The following TTC33 variants were observed in gnomAD, a reference collection of about 807,000 sequenced individuals.
TTC33 encodes tetratricopeptide repeat protein 33.
In TTC33, 24 loss-of-function variants were observed where a neutral mutation model predicts 29.4. The observed-to-expected ratio is 0.82, with a 90% CI of 0.59 to 1.15. The LOEUF (loss-of-function observed/expected upper bound fraction) is 1.15, where lower values mean the gene tolerates loss of function less well. Among genes scored for constraint, TTC33 ranks in the 50% most tolerant of loss-of-function variants. The pLI is 0.00. For synonymous variants in TTC33, 107 were observed against 100.3 expected, an observed-to-expected ratio of 1.07 and a Z score of -0.40; for missense variants, 286 against 310.4, an observed-to-expected ratio of 0.92 and a Z score of 0.59.
chr5:40,752,902 A>G (rs976848674), intron 1 of TTC33, among the ~76,000 whole-genome samples: 1 of 152,172 alleles, frequency 6.6e-6, no homozygotes, highest in African/African-American at 2.4e-5. Context: ...CAATAAAATG[A>G]TCCCTGTAAT....
In TTC33 at chr5:40,716,264, T is replaced by A. The variant is rs116511928; in HGVS notation, c.670A>T (p.Thr224Ser). The change falls in exon 5 of 5, where the codon ACA becomes TCA. Residue 224 changes from threonine (T) to serine (S), a missense_variant. Thr to Ser is a moderately conservative substitution (Grantham distance 58). Transcript: ENST00000337702. ...VCAAIAEKEKTVSANKTMVIV... is the reference protein window; with the variant it reads ...VCAAIAEKEKSVSANKTMVIV... ...ACCATTGTTTTATTTGCTGAAACTG[T>A]CTTCTCTTTCTCAGCAATAGCTGCA... 630 of 1,614,192 alleles carry A rather than the reference T, an allele frequency of 3.9e-4. 1 individual carries two copies. The African/African-American group carries it at 7.7e-3, about 20-fold the overall frequency.
intron 3 of TTC33, 27 bp downstream of exon 3, chr5:40,730,235 G>GAA (rs1742391256): frequency 1.4e-5 from 21 of 1,548,982 alleles, no homozygotes; most frequent in Non-Finnish European, 1.7e-5. Flanking sequence ...ATTTCATAAG[G>GAA]AAAGTGAAAT....
At chr5:40,751,558 A>C (rs888446194) in intron 1 of TTC33, among the ~76,000 whole-genome samples, 10 of 152,226 alleles carry the variant, frequency 6.6e-5, no homozygotes, top group Non-Finnish European at 7.3e-5. Context: ...GCCCTCACAA[A>C]GGAGTGAGCC....
chr5:40,753,157 G>A (rs551751295), intron 1 of TTC33, among the ~76,000 whole-genome samples: 2 of 152,210 alleles, frequency 1.3e-5, no homozygotes, highest in Non-Finnish European at 2.9e-5. Context: ...CTGAGGTCAG[G>A]AGTTCAAGAC....
At chr5:40,729,173 T>A (rs1027031263) in intron 3 of TTC33, among the ~76,000 whole-genome samples, 6 of 152,342 alleles carry the variant, frequency 3.9e-5, no homozygotes, top group African/African-American at 1.4e-4. Flanking sequence ...CATTCATATA[T>A]ACATATTTAA....
chr5:40,730,121 A>G (rs1742388177), intron 3 of TTC33, 141 bp downstream of exon 3: 1 of 620,316 alleles, frequency 1.6e-6, no homozygotes. Flanking sequence ...AACCATAAAT[A>G]ATGGTGAAAT....
chr5:40,737,025 G>A (rs1742567717), intron 2 of TTC33, among the ~76,000 whole-genome samples: 1 of 152,162 alleles, frequency 6.6e-6, no homozygotes, highest in Non-Finnish European at 1.5e-5. Context: ...GTTGAGCATG[G>A]TGGCTCAGGC....
In TTC33 at chr5:40,730,815, A is replaced by G. The variant is rs550325288; in HGVS notation, c.222-472T>C. Among the ~76,000 whole-genome samples, 18 of 152,294 alleles carry G rather than the reference A, an allele frequency of 1.2e-4. No homozygotes were observed. In the South Asian group the frequency reaches 1.2e-3, roughly 11 times the overall value. On this transcript the variant is annotated intron_variant, in intron 2 of 4. Transcript: ENST00000337702. Reference sequence around the variant, plus strand: ...AGTGTATGCTCAGAAAAACTTAGAAATGGGTTCATATGTAACAGATAAGGG... The same window carrying G: ...AGTGTATGCTCAGAAAAACTTAGAAGTGGGTTCATATGTAACAGATAAGGG...
At chr5:40,724,655 C>A (rs957512022) in intron 4 of TTC33, among the ~76,000 whole-genome samples, 11 of 148,720 alleles carry the variant, frequency 7.4e-5, no homozygotes, top group South Asian at 4.2e-4. Flanking sequence ...AACAAACAAA[C>A]AAAAAAAAAC....
rs115811801 is a variant in TTC33, at chr5:40,713,983, C to T, written c.*2162G>A. On this transcript the variant is annotated 3_prime_UTR_variant, in exon 5 of 5. Transcript: ENST00000337702. Reference sequence around the variant, plus strand: ...AGCTGCCTTCCTTCTCCATAACTTACTGTTTCTTTTTCTCCTCTGTCTTAT... The same window carrying T: ...AGCTGCCTTCCTTCTCCATAACTTATTGTTTCTTTTTCTCCTCTGTCTTAT... Among the ~76,000 whole-genome samples, 1,186 of 152,296 alleles carry T rather than the reference C, an allele frequency of 7.8e-3. 11 individuals carry two copies. The highest frequency in any genetic ancestry group is 0.026 in the African/African-American group (1,073 of 41,570).
intron 2 of TTC33, among the ~76,000 whole-genome samples, chr5:40,736,775 G>A (rs576381742): frequency 6.6e-6 from 1 of 152,226 alleles, no homozygotes; most frequent in African/African-American, 2.4e-5. Flanking sequence ...TTTGACCTAT[G>A]AGGTAGAAAT....
rs112749960 is a variant in TTC33 at position 40,722,594 on chromosome 5, C to T, written c.435+5751G>A. On this transcript the variant is annotated intron_variant, in intron 4 of 4. Transcript: ENST00000337702. ...GAACTGAGGAGCGTCTCTGACCGGC[C>T]GCCCCGTCTGAGAAGTGAGGAGCCC... is the stretch of plus-strand genomic sequence containing the variant. Among the ~76,000 whole-genome samples, 13 of 151,956 alleles carry T rather than the reference C, an allele frequency of 8.6e-5. No individual in the cohort carries two copies. The East Asian group carries it at 1.8e-3, about 21-fold the overall frequency.
At chr5:40,721,502 G>A (rs185214666) in intron 4 of TTC33, among the ~76,000 whole-genome samples, 2 of 152,244 alleles carry the variant, frequency 1.3e-5, no homozygotes, top group East Asian at 1.9e-4. Context: ...TATACATAAT[G>A]AGAAAAGTCT....
intron 2 of TTC33, among the ~76,000 whole-genome samples, chr5:40,745,147 G>A (rs1561154102): frequency 6.6e-6 from 1 of 152,166 alleles, no homozygotes; most frequent in Non-Finnish European, 1.5e-5. Flanking sequence ...AGACACTAAA[G>A]AGACATAATA....
At chr5:40,738,609 A>G (rs973890010) in intron 2 of TTC33, among the ~76,000 whole-genome samples, 3 of 128,290 alleles carry the variant, frequency 2.3e-5, no homozygotes, top group Admixed American at 8.0e-5. Context: ...TAAAATAAAA[A>G]AGTGAAACAA....
At chr5:40,734,706 T>G (rs955821312) in intron 2 of TTC33, among the ~76,000 whole-genome samples, 9 of 152,196 alleles carry the variant, frequency 5.9e-5, no homozygotes, top group African/African-American at 2.2e-4. Context: ...TTTATAAATA[T>G]TTACTGGGCA....
chr5:40,751,827 C>T (rs1742901019), intron 1 of TTC33, among the ~76,000 whole-genome samples: 1 of 152,010 alleles, frequency 6.6e-6, no homozygotes, highest in South Asian at 2.1e-4. Flanking sequence ...CGTGGTGGCG[C>T]ACGCCTGTAG....
In TTC33 at chr5:40,726,213, T is replaced by TA. The variant is rs1229027634; in HGVS notation, c.435+2131_435+2132insT. Among the ~76,000 whole-genome samples, 196 of 131,922 alleles carry TA rather than the reference T, an allele frequency of 1.5e-3. 1 individual carries two copies. The highest frequency in any genetic ancestry group is 5.8e-3 in the African/African-American group (189 of 32,400). 86.5% of individuals were successfully genotyped at this position (131,922 alleles called of 152,430 possible). A position where few individuals can be genotyped will look rare whatever the true frequency, so the allele number is the denominator to read the frequency against. ...AAATGTATACCATATACATACATAT[T>TA]TTATATATATATATCTCCTATAAAC... On this transcript the variant is annotated intron_variant, in intron 4 of 4. Transcript: ENST00000337702.
intron 4 of TTC33, among the ~76,000 whole-genome samples, chr5:40,718,441 G>T (rs1430845014): frequency 4.6e-5 from 7 of 150,976 alleles, no homozygotes; most frequent in Admixed American, 4.6e-4. Flanking sequence ...CACAGAGATA[G>T]GTATATAAAG....
Sources: gnomAD v4.1 joint callset for allele counts (sites outside exome capture counted in the v4.1 genomes callset) on GRCh38, gnomAD v4.1.1 for gene constraint, MANE v1.5 for transcripts, NCBI Gene and HGNC (gene_info 2026-07-23, HGNC 2026-07-21) for gene names.